The following SEMA5A variants were observed in gnomAD, a reference collection of about 807,000 sequenced individuals.
SEMA5A encodes the protein semaphorin-5A.
Under a neutral mutation model 135.5 loss-of-function variants are expected in SEMA5A, and 55 were observed. The observed-to-expected ratio is 0.41, with a 90% confidence interval of 0.33 to 0.51. SEMA5A has a LOEUF of 0.51. SEMA5A is among the 20% of genes least tolerant of loss of function. The pLI, the probability that SEMA5A is intolerant of heterozygous loss-of-function variation, is 0.37. For synonymous variants in SEMA5A, 580 were observed against 546.5 expected, an observed-to-expected ratio of 1.06 and a Z score of -0.85; for missense variants, 1,290 against 1,419.9, an observed-to-expected ratio of 0.91 and a Z score of 1.47.
intron 5 of SEMA5A, among the ~76,000 whole-genome samples, chr5:9,263,366 C>T (rs574229653): frequency 1.3e-5 from 2 of 152,282 alleles, no homozygotes; most frequent in South Asian, 4.1e-4. Flanking sequence ...CCTGTCAGAT[C>T]AGCAGTGGCA....
rs114481953 is a variant in SEMA5A, at chr5:9,286,743, C to T, written c.270+31629G>A. Among the ~76,000 whole-genome samples the T allele has an allele frequency of 3.1e-3, 455 of 145,810 alleles. 1 individual carries two copies. Among genetic ancestry groups the T allele is most frequent in the South Asian group, 4.3e-3 (19 of 4,432 alleles). On this transcript the variant is annotated intron_variant, in intron 5 of 22. Transcript: ENST00000382496. ...ACACACATACACACACACACACACACGTGAATTTTTATAATTAAGTATATA... is the reference window on the plus strand; with the variant it reads ...ACACACATACACACACACACACACATGTGAATTTTTATAATTAAGTATATA...
Position 9,321,385 on chromosome 5 carries a change from C to A in SEMA5A, c.225-2968G>T, listed in dbSNP as rs1049056753. On this transcript the variant is annotated intron_variant, in intron 4 of 22. Coordinates refer to ENST00000382496, the MANE Select transcript of SEMA5A (RefSeq NM_003966.3). ...TTGCCTCTATGAGCAGCTCAGCTCC[C>A]CACCCTCACATATTTCCCACTGTCT... Among the ~76,000 whole-genome samples the A allele has an allele frequency of 5.9e-5, 9 of 152,250 alleles. No individual in the cohort carries two copies. The East Asian group carries it at 1.7e-3, about 29-fold the overall frequency.
intron 8 of SEMA5A, among the ~76,000 whole-genome samples, chr5:9,224,065 C>T (rs1242057987): frequency 3.3e-5 from 5 of 152,146 alleles, no homozygotes; most frequent in African/African-American, 7.2e-5. Context: ...AATTTTGCAA[C>T]CACAAGCAGA....
Position 9,204,354 on chromosome 5 carries a change from C to A in SEMA5A, c.647-2114G>T, listed in dbSNP as rs1745893377. Among the ~76,000 whole-genome samples, 1 of 152,184 alleles carries A rather than the reference C, an allele frequency of 6.6e-6. No individual in the cohort carries two copies. The highest frequency in any genetic ancestry group is 2.4e-5 in the African/African-American group (1 of 41,432). ...TATCAAATACACTCACTATTACCCA[C>A]TTCTGCTATTAACTTGGGGACAAAT... On this transcript the variant is annotated intron_variant, in intron 8 of 22. Transcript: ENST00000382496. This position sits in a 1 kb window ranked among gnomAD's most constrained non-coding sequence, Gnocchi z 6.4.
intron 8 of SEMA5A, among the ~76,000 whole-genome samples, chr5:9,202,444 G>A (rs1190045395): frequency 2.0e-5 from 3 of 152,186 alleles, no homozygotes; most frequent in Non-Finnish European, 4.4e-5. Context: ...TAAATAATGG[G>A]AAGTCACTGG....
chr5:9,103,612 A>G lies in SEMA5A; in HGVS notation c.2073+4528T>C, dbSNP rs371163715. ...TCAATTGTTTCACGCTTTACATGATATTTCAGTAAGAAATATAGTGCTGCC... is the reference window on the plus strand; with the variant it reads ...TCAATTGTTTCACGCTTTACATGATGTTTCAGTAAGAAATATAGTGCTGCC... On this transcript the variant is annotated intron_variant, in intron 16 of 22. Transcript: ENST00000382496. Among the ~76,000 whole-genome samples the G allele has an allele frequency of 2.0e-5, 3 of 152,312 alleles. No individual in the cohort carries two copies. The East Asian group carries it at 5.8e-4, about 29-fold the overall frequency.
chr5:9,245,716 T>A (rs1035640388), intron 5 of SEMA5A, among the ~76,000 whole-genome samples: 1 of 152,178 alleles, frequency 6.6e-6, no homozygotes, highest in African/African-American at 2.4e-5. Flanking sequence ...ATTCTGTACA[T>A]GGTATACATT....
At chr5:9,287,230 G>A (rs911567264) in intron 5 of SEMA5A, among the ~76,000 whole-genome samples, 6 of 152,254 alleles carry the variant, frequency 3.9e-5, no homozygotes, top group South Asian at 2.1e-4. Context: ...AGCATGATCC[G>A]AAAAATGCCA....
intron 2 of SEMA5A, among the ~76,000 whole-genome samples, chr5:9,425,151 T>C (rs1032873339): frequency 6.6e-6 from 1 of 152,130 alleles, no homozygotes; most frequent in African/African-American, 2.4e-5. Flanking sequence ...CACAAACCAA[T>C]CCAAAGTTGT....
At chr5:9,315,467 C>T (rs528101311) in intron 5 of SEMA5A, among the ~76,000 whole-genome samples, 10 of 152,206 alleles carry the variant, frequency 6.6e-5, no homozygotes, top group African/African-American at 2.4e-4. Context: ...CAAATAATGT[C>T]CTTTATAGTA....
intron 1 of SEMA5A, among the ~76,000 whole-genome samples, chr5:9,510,990 C>A (rs1237269947): frequency 2.6e-5 from 4 of 152,146 alleles, no homozygotes; most frequent in Admixed American, 2.0e-4. Flanking sequence ...TGTCTTAGGC[C>A]ATTCAAATTT....
intron 2 of SEMA5A, among the ~76,000 whole-genome samples, chr5:9,401,718 T>C (rs1232426086): frequency 2.0e-5 from 3 of 152,198 alleles, no homozygotes; most frequent in African/African-American, 7.2e-5. Context: ...CCTATGGGGA[T>C]TTTCTGGGCA....
At chr5:9,173,335 T>A (rs906409052) in intron 11 of SEMA5A, among the ~76,000 whole-genome samples, 1 of 151,328 alleles carries the variant, frequency 6.6e-6, no homozygotes, top group African/African-American at 2.4e-5. Context: ...TAATTATAAT[T>A]TCAGATATTC....
At chr5:9,210,439 G>T (rs1255385760) in intron 8 of SEMA5A, among the ~76,000 whole-genome samples, 1 of 152,156 alleles carries the variant, frequency 6.6e-6, no homozygotes, top group Non-Finnish European at 1.5e-5. Context: ...GGGTTTAACA[G>T]CCCCAGTTTA....
intron 12 of SEMA5A, among the ~76,000 whole-genome samples, chr5:9,138,381 T>C (rs1211109217): frequency 1.3e-5 from 2 of 152,152 alleles, no homozygotes; most frequent in African/African-American, 4.8e-5. Flanking sequence ...TTATTGTTTA[T>C]AGGCAAATAT....
intron 8 of SEMA5A, among the ~76,000 whole-genome samples, chr5:9,219,793 T>C (rs1746829686): frequency 6.6e-6 from 1 of 152,100 alleles, no homozygotes; most frequent in African/African-American, 2.4e-5. Context: ...ACAGAGCCCA[T>C]ACCCAAGATT....
intron 2 of SEMA5A, among the ~76,000 whole-genome samples, chr5:9,412,824 G>A (rs1757151226): frequency 6.6e-6 from 1 of 151,954 alleles, no homozygotes; most frequent in African/African-American, 2.4e-5. Flanking sequence ...TTCCACCTGT[G>A]GTATCATCTT....
intron 1 of SEMA5A, among the ~76,000 whole-genome samples, chr5:9,533,556 C>A (rs1265719097): frequency 6.6e-6 from 1 of 152,172 alleles, no homozygotes; most frequent in Admixed American, 6.5e-5. Context: ...ACTCCCTGTG[C>A]CTCCACTCTA....
At chr5:9,202,679 A>G (rs1579603225) in intron 8 of SEMA5A, among the ~76,000 whole-genome samples, 2 of 152,344 alleles carry the variant, frequency 1.3e-5, no homozygotes, top group East Asian at 3.9e-4. Context: ...GTGCAAGACA[A>G]CAAAATTATT....
Sources: gnomAD v4.1 joint callset for allele counts (sites outside exome capture counted in the v4.1 genomes callset) on GRCh38, gnomAD v4.1.1 for gene constraint, Gnocchi (gnomAD v3.1) non-coding constraint, MANE v1.5 for transcripts, NCBI Gene and HGNC (gene_info 2026-07-23, HGNC 2026-07-21) for gene names.